Variants in CCDC81 observed in about 807,000 individuals in gnomAD.
The protein encoded by CCDC81 is coiled-coil domain containing 81.
A neutral mutation model predicts 83.7 loss-of-function variants in CCDC81; 79 were observed. The ratio of observed to expected loss-of-function variants is 0.94; its 90% confidence interval spans 0.79 to 1.14. The LOEUF is 1.14. Among genes scored for constraint, CCDC81 ranks in the 50% most tolerant of loss-of-function variants. The pLI, the probability that CCDC81 is intolerant of heterozygous loss-of-function variation, is 0.00. For synonymous variants in CCDC81, 252 were observed against 278.1 expected, an observed-to-expected ratio of 0.91 and a Z score of 0.93; for missense variants, 791 against 778.1, an observed-to-expected ratio of 1.02 and a Z score of -0.20.
chr11:86,411,406 C>T (rs751957548), intron 10 of CCDC81, among the ~76,000 whole-genome samples: 11 of 152,226 alleles, frequency 7.2e-5, no homozygotes, highest in Admixed American at 1.3e-4. Flanking sequence ...TCCCACCCAG[C>T]CACTTGCTAT....
intron 14 of CCDC81, among the ~76,000 whole-genome samples, chr11:86,421,579 G>T (rs1651639164): frequency 6.6e-6 from 1 of 152,162 alleles, no homozygotes; most frequent in South Asian, 2.1e-4. Context: ...CAAAGTGCTG[G>T]GATTACAGGC....
chr11:86,378,025 T>C (rs899105920), intron 1 of CCDC81, among the ~76,000 whole-genome samples: 2 of 144,888 alleles, frequency 1.4e-5, no homozygotes, highest in African/African-American at 5.1e-5. Flanking sequence ...GCAATGTTTG[T>C]TTAAAAGACT....
chr11:86,379,718 T>G (rs1252559608), intron 1 of CCDC81, among the ~76,000 whole-genome samples: 5 of 152,216 alleles, frequency 3.3e-5, no homozygotes, highest in African/African-American at 1.2e-4. Flanking sequence ...GGCTCATGCT[T>G]GTAATCCCAG....
At chr11:86,388,727 C>G (rs1948283067) in intron 3 of CCDC81, among the ~76,000 whole-genome samples, 1 of 151,756 alleles carries the variant, frequency 6.6e-6, no homozygotes, top group Non-Finnish European at 1.5e-5. Context: ...CTTTGTTTCT[C>G]CCTTTCATGG....
chr11:86,381,252 A>C (rs914259332), intron 1 of CCDC81, among the ~76,000 whole-genome samples: 3 of 152,212 alleles, frequency 2.0e-5, no homozygotes, highest in Non-Finnish European at 1.5e-5. Context: ...TTAGGCTCTG[A>C]TAATATCCCA....
intron 2 of CCDC81, 98 bp downstream of exon 2, chr11:86,386,210 G>A: frequency 2.8e-6 from 1 of 359,108 alleles, no homozygotes; most frequent in Non-Finnish European, 4.6e-6. Flanking sequence ...ATATAATGTT[G>A]CTGGGAGCAG....
At chr11:86,414,587 A>G in intron 11 of CCDC81, 1 of 536,084 alleles carries the variant, frequency 1.9e-6, no homozygotes, top group Non-Finnish European at 3.3e-6. Flanking sequence ...GATTACACAC[A>G]TGAGCCACTG....
At chr11:86,384,242 G>A (rs1026244) in intron 1 of CCDC81, among the ~76,000 whole-genome samples, 94,023 of 151,972 alleles carry the variant, frequency 0.62, 29,677 homozygotes, top group African/African-American at 0.73. Flanking sequence ...CATGATGAAA[G>A]TTTTAATTCA....
chr11:86,383,361 A>G (rs1407835423), intron 1 of CCDC81, among the ~76,000 whole-genome samples: 2 of 152,248 alleles, frequency 1.3e-5, no homozygotes, highest in African/African-American at 2.4e-5. Flanking sequence ...ATCAGGAAAC[A>G]TATCTGTTTT....
At chr11:86,407,722 T>A (rs774746906) in intron 8 of CCDC81, 21 bp downstream of exon 8, 1 of 1,567,240 alleles carries the variant, frequency 6.4e-7, no homozygotes, top group South Asian at 1.1e-5. Flanking sequence ...TCCAAACAAA[T>A]AAGTCCCATC....
In CCDC81 at chr11:86,421,362, T is replaced by C. The variant is rs185623929; in HGVS notation, c.1818-1212T>C. ...TCTCACTCTGTCGCACAGGCTGGAG[T>C]GCAGTGGCGCGATCTCGGCTCACTG... On this transcript the variant is annotated intron_variant, in intron 14 of 14. Transcript: ENST00000445632. Among the ~76,000 whole-genome samples, 494 of 152,048 alleles carry C rather than the reference T, an allele frequency of 3.2e-3. 1 individual carries two copies. Among genetic ancestry groups the C allele is most frequent in the African/African-American group, 0.011 (473 of 41,490 alleles).
intron 6 of CCDC81, among the ~76,000 whole-genome samples, chr11:86,398,728 A>T (rs1384404066): frequency 6.6e-6 from 1 of 151,980 alleles, no homozygotes; most frequent in Non-Finnish European, 1.5e-5. Context: ...GCGCACCACC[A>T]CGCCCAGCTA....
Position 86,412,447 on chromosome 11 carries a change from G to A in CCDC81, c.1279G>A (p.Glu427Lys). 6.2e-7 allele frequency: 1 copy of A among 1,613,866 alleles called. No homozygotes were observed. Among genetic ancestry groups the A allele is most frequent in the Non-Finnish European group, 8.5e-7 (1 of 1,179,808 alleles). The change falls in exon 11 of 15, where the codon GAA becomes AAA. Residue 427 changes from glutamate (E) to lysine (K), a missense_variant. Glu to Lys is a moderately conservative substitution (Grantham distance 56). Transcript: ENST00000445632. The stretch of plus-strand genomic sequence containing the variant: ...TGCGCTTAATGCTCTTAAGCAAGAG[G>A]AATATTCCCGGAGTCTCCTGAAACA... Reference protein sequence around the residue: ...SPALNALKQEEYSRSLLKQMD... With the variant: ...SPALNALKQEKYSRSLLKQMD...
chr11:86,409,918 C>T lies in CCDC81; in HGVS notation c.1218+553C>T, dbSNP rs147275866. On this transcript the variant is annotated intron_variant, in intron 10 of 14. Coordinates refer to ENST00000445632, the MANE Select transcript of CCDC81 (RefSeq NM_001156474.2). Reference sequence around the variant, plus strand: ...TAATTATGGTAATTCTCAACCAGGACGTGGGATGGGTGGAGAGGAGGGAGC... The same window carrying T: ...TAATTATGGTAATTCTCAACCAGGATGTGGGATGGGTGGAGAGGAGGGAGC... 3.4e-3 allele frequency among the ~76,000 whole-genome samples: 511 copies of T among 152,218 alleles called. 3 individuals are homozygous for T. Among genetic ancestry groups the T allele is most frequent in the African/African-American group, 0.012 (482 of 41,518 alleles).
chr11:86,390,624 A>G (rs1168387539), intron 3 of CCDC81, among the ~76,000 whole-genome samples: 1 of 152,196 alleles, frequency 6.6e-6, no homozygotes, highest in African/African-American at 2.4e-5. Context: ...AAATGAGGGT[A>G]TCTACTCATG....
At chr11:86,399,318 A>T (rs1184848410) in intron 6 of CCDC81, among the ~76,000 whole-genome samples, 1 of 151,860 alleles carries the variant, frequency 6.6e-6, no homozygotes, top group Non-Finnish European at 1.5e-5. Context: ...AAAATTATCT[A>T]TTCATGTTCT....
At chr11:86,378,859 T>C (rs1338349748) in intron 1 of CCDC81, among the ~76,000 whole-genome samples, 4 of 152,196 alleles carry the variant, frequency 2.6e-5, no homozygotes, top group African/African-American at 4.8e-5. Context: ...TGTTTTTAGA[T>C]TTAGATTGGG....
chr11:86,375,326 A>T, intron 1 of CCDC81, 84 bp downstream of exon 1: 1 of 1,225,930 alleles, frequency 8.2e-7, no homozygotes, highest in Non-Finnish European at 1.2e-6. Context: ...CCACTTCCCA[A>T]TTCCCTGGCT....
intron 7 of CCDC81, among the ~76,000 whole-genome samples, chr11:86,406,382 T>C (rs1484191250): frequency 2.0e-5 from 3 of 152,252 alleles, no homozygotes; most frequent in South Asian, 2.1e-4. Flanking sequence ...GTCATGATTT[T>C]CTGGAAAATT....
Sources: allele counts gnomAD v4.1 joint callset (sites outside exome capture counted in the v4.1 genomes callset), GRCh38; gene constraint gnomAD v4.1.1; transcripts MANE v1.5; gene names NCBI Gene and HGNC (gene_info 2026-07-23, HGNC 2026-07-21).